The following MAPK8 variants were observed in gnomAD, a reference collection of about 807,000 sequenced individuals.
MAPK8 encodes the protein mitogen-activated protein kinase 8.
MAPK8 carries 13 observed loss-of-function variants against 52.9 expected under a neutral mutation model. That is an observed-to-expected ratio of 0.25 (90% CI 0.16 to 0.39). MAPK8 has a LOEUF of 0.39. Ranked by LOEUF, MAPK8 falls within the 10% of genes least tolerant of loss-of-function variation. The probability of loss-of-function intolerance (pLI) is 1.00; values close to 1 mark genes in which losing one functional copy is unlikely to be tolerated. For synonymous variants in MAPK8, 191 were observed against 169.8 expected, an observed-to-expected ratio of 1.12 and a Z score of -0.97; for missense variants, 300 against 519.2, an observed-to-expected ratio of 0.58 and a Z score of 4.10.
intron 1 of MAPK8, among the ~76,000 whole-genome samples, chr10:48,400,972 A>G (rs1480639092): frequency 1.3e-5 from 2 of 152,168 alleles, no homozygotes; most frequent in East Asian, 3.8e-4. Context: ...CAATATGCCT[A>G]ACTACTTCTC....
intron 1 of MAPK8, among the ~76,000 whole-genome samples, chr10:48,368,461 C>T (rs542633707): frequency 6.6e-6 from 1 of 152,264 alleles, no homozygotes; most frequent in South Asian, 2.1e-4. Flanking sequence ...GATTGTGGTA[C>T]TTTTAAAGCA....
At chr10:48,350,935 C>G (rs1485481740) in intron 1 of MAPK8, among the ~76,000 whole-genome samples, 1 of 152,178 alleles carries the variant, frequency 6.6e-6, no homozygotes, top group East Asian at 1.9e-4. Context: ...CATACAAAAT[C>G]AATGTGCAAA....
chr10:48,361,331 T>G (rs1210569971), intron 1 of MAPK8, among the ~76,000 whole-genome samples: 2 of 152,198 alleles, frequency 1.3e-5, no homozygotes. Context: ...TTGACTGCCC[T>G]TAGTTGACTT....
At chr10:48,325,087 C>G (rs1843381884) in intron 1 of MAPK8, among the ~76,000 whole-genome samples, 1 of 151,916 alleles carries the variant, frequency 6.6e-6, no homozygotes, top group South Asian at 2.1e-4. Flanking sequence ...GCGATTCTCT[C>G]ACCTCTGCCT....
chr10:48,392,966 A>G (rs900956486), intron 1 of MAPK8, among the ~76,000 whole-genome samples: 3 of 152,156 alleles, frequency 2.0e-5, no homozygotes, highest in African/African-American at 4.8e-5. Context: ...AATCAATGCT[A>G]TTAGCCATTT....
chr10:48,420,691 G>A (rs946332283), intron 6 of MAPK8, among the ~76,000 whole-genome samples: 1 of 152,060 alleles, frequency 6.6e-6, no homozygotes, highest in Non-Finnish European at 1.5e-5. Context: ...AGTGATATTT[G>A]CCTATATTTC....
intron 1 of MAPK8, among the ~76,000 whole-genome samples, chr10:48,349,286 G>A (rs767813341): frequency 2.6e-5 from 4 of 152,030 alleles, no homozygotes; most frequent in South Asian, 2.1e-4. Flanking sequence ...AATAGACATC[G>A]ATAGAACTCT....
At chr10:48,345,578 C>T (rs1050515488) in intron 1 of MAPK8, among the ~76,000 whole-genome samples, 5 of 152,202 alleles carry the variant, frequency 3.3e-5, no homozygotes, top group African/African-American at 1.2e-4. Context: ...GTACACATTT[C>T]TGCTTCCAAA....
At chr10:48,384,059 C>T (rs2041167730) in intron 1 of MAPK8, among the ~76,000 whole-genome samples, 1 of 152,140 alleles carries the variant, frequency 6.6e-6, no homozygotes, top group Non-Finnish European at 1.5e-5. Flanking sequence ...TGAGACTAGC[C>T]TGGCCAACAT....
intron 1 of MAPK8, among the ~76,000 whole-genome samples, chr10:48,400,772 C>T (rs2042119453): frequency 6.6e-6 from 1 of 152,174 alleles, no homozygotes; most frequent in Non-Finnish European, 1.5e-5. Context: ...AGCTGCTTTG[C>T]ATACATTTTG....
chr10:48,346,397 C>T (rs1447947876), intron 1 of MAPK8, among the ~76,000 whole-genome samples: 1 of 152,222 alleles, frequency 6.6e-6, no homozygotes, highest in Non-Finnish European at 1.5e-5. Context: ...GAGTGCAAGC[C>T]TTCTGTTATG....
chr10:48,328,679 G>A lies in MAPK8; in HGVS notation c.-50+21858G>A, dbSNP rs1328487148. On this transcript the variant is annotated intron_variant, in intron 1 of 11. Coordinates refer to ENST00000374189, the MANE Select transcript of MAPK8 (RefSeq NM_001323329.2). ...TGCCTTTTTTTGGTAGTCAACAAGA[G>A]CAACTGAGGTGTCCTGTTGATGCTA... Among the ~76,000 whole-genome samples, 34 of 152,188 alleles carry A rather than the reference G, an allele frequency of 2.2e-4. 1 individual carries two copies.
chr10:48,339,218 G>A (rs1844993486), intron 1 of MAPK8, among the ~76,000 whole-genome samples: 1 of 152,134 alleles, frequency 6.6e-6, no homozygotes, highest in African/African-American at 2.4e-5. Flanking sequence ...AAATAGCACG[G>A]AATTGGTACA....
At chr10:48,419,756 A>G (rs763049873) in intron 5 of MAPK8, among the ~76,000 whole-genome samples, 6 of 152,214 alleles carry the variant, frequency 3.9e-5, no homozygotes, top group Non-Finnish European at 7.3e-5. Context: ...GCTTATTGTG[A>G]CTTTAAAATG....
chr10:48,321,569 A>G (rs1038825690), intron 1 of MAPK8, among the ~76,000 whole-genome samples: 1 of 152,206 alleles, frequency 6.6e-6, no homozygotes, highest in Admixed American at 6.5e-5. Context: ...GGAATCTTTT[A>G]TAAGAAGCCA....
chr10:48,428,330 CT>C (rs2043845794), intron 10 of MAPK8, among the ~76,000 whole-genome samples: 1 of 152,114 alleles, frequency 6.6e-6, no homozygotes, highest in African/African-American at 2.4e-5. Context: ...GTTTTGACCA[CT>C]TTTGTAACTG....
In MAPK8 at chr10:48,428,814, G is replaced by GT. The variant is rs199580789; in HGVS notation, c.1060+1679dup. 2.3e-3 allele frequency among the ~76,000 whole-genome samples: 347 copies of GT among 151,552 alleles called. 3 individuals carry two copies. The highest frequency in any genetic ancestry group is 0.014 in the Middle Eastern group (4 of 292). ...GTAGAATCTTGTGGTTTTTTTGGTT[G>GT]TTTTTTTTGTTTGTTTGTTTTTTTG... On this transcript the variant is annotated intron_variant, in intron 10 of 11. Transcript: ENST00000374189.
intron 2 of MAPK8, among the ~76,000 whole-genome samples, chr10:48,404,271 C>T (rs535070905): frequency 6.6e-6 from 1 of 151,940 alleles, no homozygotes; most frequent in East Asian, 1.9e-4. Flanking sequence ...ATTCCCTTGC[C>T]TTAGCCTCTC....
At chr10:48,363,095 A>G (rs1187475840) in intron 1 of MAPK8, among the ~76,000 whole-genome samples, 1 of 152,020 alleles carries the variant, frequency 6.6e-6, no homozygotes, top group Non-Finnish European at 1.5e-5. Flanking sequence ...GGAGTGCAGT[A>G]GCTATTCACT....
Sources: allele counts gnomAD v4.1 joint callset (sites outside exome capture counted in the v4.1 genomes callset), GRCh38; gene constraint gnomAD v4.1.1; transcripts MANE v1.5; gene names NCBI Gene and HGNC (gene_info 2026-07-23, HGNC 2026-07-21).